Variants in MSH3 observed in about 807,000 individuals in gnomAD.
MSH3 encodes the protein mutS homolog 3.
A neutral mutation model predicts 123.3 loss-of-function variants in MSH3; 106 were observed. That is an observed-to-expected ratio of 0.86 (90% CI 0.73 to 1.01). The LOEUF (loss-of-function observed/expected upper bound fraction) is 1.01. Ranked by LOEUF, MSH3 falls within the 50% of genes least tolerant of loss-of-function variation. The probability of loss-of-function intolerance (pLI) is 0.00; values close to 1 mark genes in which losing one functional copy is unlikely to be tolerated. For missense variants in MSH3, 1,459 were observed against 1,347.6 expected, an observed-to-expected ratio of 1.08 and a Z score of -1.29; for synonymous variants, 515 against 481.4, an observed-to-expected ratio of 1.07 and a Z score of -0.91.
intron 3 of MSH3, among the ~76,000 whole-genome samples, chr5:80,667,816 A>G (rs1749605158): frequency 6.6e-6 from 1 of 152,172 alleles, no homozygotes; most frequent in South Asian, 2.1e-4. Flanking sequence ...AGGAGCCCCT[A>G]GGTCTGAGCT....
intron 8 of MSH3, among the ~76,000 whole-genome samples, chr5:80,716,844 C>G (rs891544178): frequency 7.2e-5 from 11 of 152,150 alleles, no homozygotes; most frequent in African/African-American, 2.7e-4. Context: ...TAACTGTATG[C>G]TTGTACCCAT....
intron 22 of MSH3, among the ~76,000 whole-genome samples, chr5:80,867,411 A>G (rs1332677787): frequency 2.0e-5 from 3 of 152,194 alleles, no homozygotes; most frequent in Non-Finnish European, 2.9e-5. Context: ...GATGCCTTCC[A>G]GTATCTCATG....
At chr5:80,730,287 C>T (rs1231276561) in intron 10 of MSH3, among the ~76,000 whole-genome samples, 1 of 152,072 alleles carries the variant, frequency 6.6e-6, no homozygotes, top group African/African-American at 2.4e-5. Flanking sequence ...GTAGTACATA[C>T]CATTATATGA....
chr5:80,681,410 C>T (rs1040678805), intron 8 of MSH3, among the ~76,000 whole-genome samples: 1 of 151,530 alleles, frequency 6.6e-6, no homozygotes, highest in Non-Finnish European at 1.5e-5. Flanking sequence ...ACATTCATAC[C>T]CTCTGATCCA....
intron 10 of MSH3, among the ~76,000 whole-genome samples, chr5:80,733,002 C>T (rs563219310): frequency 1.3e-5 from 2 of 152,234 alleles, no homozygotes; most frequent in Non-Finnish European, 2.9e-5. Context: ...AGCTGGCTTC[C>T]TTGGAGAAAT....
At chr5:80,714,151 T>TG (rs1363455516) in intron 8 of MSH3, among the ~76,000 whole-genome samples, 7 of 147,962 alleles carry the variant, frequency 4.7e-5, no homozygotes, top group Non-Finnish European at 9.0e-5. Flanking sequence ...TTTTTTTTTT[T>TG]TTGAGATGGA....
chr5:80,691,812 T>A (rs1484335894), intron 8 of MSH3, among the ~76,000 whole-genome samples: 1 of 147,832 alleles, frequency 6.8e-6, no homozygotes, highest in Non-Finnish European at 1.5e-5. Context: ...TATCTAAATA[T>A]ATATGTATGT....
At chr5:80,720,464 T>A (rs183291690) in intron 8 of MSH3, among the ~76,000 whole-genome samples, 2 of 151,284 alleles carry the variant, frequency 1.3e-5, no homozygotes, top group Admixed American at 6.6e-5. Context: ...TGAAAAAAAT[T>A]TCCCCCTTTC....
At chr5:80,735,822 C>G (rs1467740987) in intron 10 of MSH3, among the ~76,000 whole-genome samples, 1 of 151,996 alleles carries the variant, frequency 6.6e-6, no homozygotes, top group African/African-American at 2.4e-5. Context: ...GGAAAAGAAC[C>G]AAATTCAAAT....
chr5:80,869,841 T>TACATATATATACACACAC (rs1554077179), intron 22 of MSH3, among the ~76,000 whole-genome samples: 12 of 132,532 alleles, frequency 9.1e-5, no homozygotes, highest in African/African-American at 3.4e-4. Flanking sequence ...TACATATATA[T>TACATATATATACACACAC]ACACACACAC....
chr5:80,689,079 G>T (rs1052193912), intron 8 of MSH3, among the ~76,000 whole-genome samples: 2 of 152,196 alleles, frequency 1.3e-5, no homozygotes, highest in Admixed American at 6.5e-5. Context: ...TCCAGGAAGT[G>T]TGGTCACAGG....
chr5:80,875,758 C>T lies in MSH3; in HGVS notation c.3310C>T (p.Leu1104Phe). The change falls in exon 24 of 24, where the codon CTC becomes TTC. Residue 1104 changes from leucine (L) to phenylalanine (F), a missense_variant. By Grantham distance (22) the Leu-to-Phe change is conservative. Coordinates refer to ENST00000265081, the MANE Select transcript of MSH3 (RefSeq NM_002439.5). ...TATTTGATTTTTCCCCAGAAAGAGA[C>T]TCAAGTATTTTGCAAAGTTATGGAC... ...EGLINTKRKR[L>F]KYFAKLWTMH... is the part of the protein sequence containing the mutation. 1 of 1,606,372 alleles carries T rather than the reference C, an allele frequency of 6.2e-7. No homozygotes were observed. Among genetic ancestry groups the T allele is most frequent in the South Asian group, 1.1e-5 (1 of 90,860 alleles).
chr5:80,751,534 C>G (rs1417945426), intron 12 of MSH3, among the ~76,000 whole-genome samples: 1 of 152,202 alleles, frequency 6.6e-6, no homozygotes, highest in Non-Finnish European at 1.5e-5. Flanking sequence ...GGTCCTCTCT[C>G]CTACCTGCTG....
chr5:80,821,197 G>A lies in MSH3; in HGVS notation c.2813+7456G>A, dbSNP rs77758037. Reference sequence around the variant, plus strand: ...TTTCATTCCACAATGATCTGTTCACGGTAAACTCCTAATGCCCTATTTATT... The same window carrying A: ...TTTCATTCCACAATGATCTGTTCACAGTAAACTCCTAATGCCCTATTTATT... On this transcript the variant is annotated intron_variant, in intron 20 of 23. Transcript: ENST00000265081. 6.3e-3 allele frequency among the ~76,000 whole-genome samples: 951 copies of A among 152,128 alleles called. 12 individuals are homozygous for A. Among genetic ancestry groups the A allele is most frequent in the South Asian group, 0.014 (67 of 4,812 alleles).
At position 80,808,873 on chromosome 5, in the gene MSH3, A is replaced by ATATATATCTATATATATATC. The variant is rs58133423; in HGVS notation, c.2656-4704_2656-4703insCTATATATATATCTATATAT. Among the ~76,000 whole-genome samples the ATATATATCTATATATATATC allele has an allele frequency of 2.2e-5, 3 of 137,034 alleles. No individual in the cohort carries two copies. In the South Asian group the frequency reaches 6.8e-4, roughly 31 times the overall value. 89.9% of individuals were successfully genotyped at this position (137,034 alleles called of 152,430 possible). On this transcript the variant is annotated intron_variant, in intron 19 of 23. Transcript: ENST00000265081. ...ATATCTTCTTCATATATATATATAT[A>ATATATATCTATATATATATC]TATATATATACACAATCTAAATTCG...
At chr5:80,815,691 T>A (rs980568894) in intron 20 of MSH3, among the ~76,000 whole-genome samples, 143 of 152,128 alleles carry the variant, frequency 9.4e-4, no homozygotes, top group African/African-American at 2.5e-3. Flanking sequence ...TTTTAAAAAA[T>A]TTTTTTAGGA....
At chr5:80,806,374 T>G (rs245396) in intron 19 of MSH3, among the ~76,000 whole-genome samples, 131,006 of 152,288 alleles carry the variant, frequency 0.86, 56,435 homozygotes, top group East Asian at 1. Flanking sequence ...TGGGATTACA[T>G]GCGTGAGCCA....
chr5:80,788,963 G>A (rs1744562563), intron 18 of MSH3, among the ~76,000 whole-genome samples: 1 of 152,042 alleles, frequency 6.6e-6, no homozygotes, highest in African/African-American at 2.4e-5. Flanking sequence ...CTATCCTAGT[G>A]TATCCTCCCA....
At chr5:80,825,915 T>C (rs1187945363) in intron 20 of MSH3, among the ~76,000 whole-genome samples, 1 of 152,238 alleles carries the variant, frequency 6.6e-6, no homozygotes, top group Non-Finnish European at 1.5e-5. Flanking sequence ...AGCAATTTAT[T>C]GGCCTTTTCT....
Sources: gnomAD v4.1 joint callset for allele counts (sites outside exome capture counted in the v4.1 genomes callset) on GRCh38, gnomAD v4.1.1 for gene constraint, MANE v1.5 for transcripts, NCBI Gene and HGNC (gene_info 2026-07-23, HGNC 2026-07-21) for gene names.